Variants in SNTB1 observed in about 807,000 individuals in gnomAD.
The protein encoded by SNTB1 is syntrophin beta 1.
SNTB1 carries 36 observed loss-of-function variants against 48.9 expected under a neutral mutation model. The observed-to-expected ratio is 0.74, with a 90% confidence interval of 0.56 to 0.97. The LOEUF (loss-of-function observed/expected upper bound fraction) is 0.97, where lower values mean the gene tolerates loss of function less well. SNTB1 is among the 50% of genes least tolerant of loss of function. The pLI is 0.00. For synonymous variants in SNTB1, 299 were observed against 294.6 expected, an observed-to-expected ratio of 1.01 and a Z score of -0.15; for missense variants, 786 against 703.4, an observed-to-expected ratio of 1.12 and a Z score of -1.33.
chr8:120,585,904 A>C (rs927118618), intron 3 of SNTB1, among the ~76,000 whole-genome samples: 13 of 152,242 alleles, frequency 8.5e-5, no homozygotes, highest in African/African-American at 3.1e-4. Context: ...ATAACTACCA[A>C]AGTTAGGCTG....
chr8:120,583,860 T>C (rs543024774), intron 3 of SNTB1, among the ~76,000 whole-genome samples: 2 of 152,162 alleles, frequency 1.3e-5, no homozygotes, highest in African/African-American at 2.4e-5. Flanking sequence ...TTTAGCAAAT[T>C]GAGTCTGAAA....
intron 4 of SNTB1, among the ~76,000 whole-genome samples, chr8:120,564,564 GTTTTTTTTT>G (rs71306893): frequency 4.7e-5 from 4 of 84,214 alleles, no homozygotes; most frequent in Non-Finnish European, 8.5e-5. Flanking sequence ...TATTATTCTG[GTTTTTTTTT>G]TTTTTTTTTT....
At chr8:120,612,117 G>A (rs1204916860) in intron 3 of SNTB1, among the ~76,000 whole-genome samples, 1 of 152,182 alleles carries the variant, frequency 6.6e-6, no homozygotes, top group Non-Finnish European at 1.5e-5. Context: ...ACTGAACAGT[G>A]AGCCTTCGAG....
chr8:120,599,697 T>C (rs1406523624), intron 3 of SNTB1, among the ~76,000 whole-genome samples: 2 of 152,232 alleles, frequency 1.3e-5, no homozygotes, highest in African/African-American at 4.8e-5. Context: ...ATTTTATATA[T>C]GTCAAAGAGA....
At chr8:120,571,594 C>T (rs1465124476) in intron 4 of SNTB1, among the ~76,000 whole-genome samples, 1 of 139,034 alleles carries the variant, frequency 7.2e-6, no homozygotes, top group Non-Finnish European at 1.5e-5. Flanking sequence ...GCCTTCCAGG[C>T]TCTAGTGATT....
At chr8:120,636,210 C>T (rs1817073558) in intron 2 of SNTB1, among the ~76,000 whole-genome samples, 2 of 152,070 alleles carry the variant, frequency 1.3e-5, no homozygotes, top group South Asian at 4.2e-4. Flanking sequence ...AGGGTGCTGG[C>T]TCAGCTTCCT....
chr8:120,728,454 C>T (rs1251515084), intron 1 of SNTB1, among the ~76,000 whole-genome samples: 3 of 152,102 alleles, frequency 2.0e-5, no homozygotes, highest in African/African-American at 4.8e-5. Flanking sequence ...GAGCATAGTA[C>T]CCAACAGTTG....
chr8:120,686,776 CTGTTTTTACATA>C (rs1818042159), intron 2 of SNTB1, among the ~76,000 whole-genome samples: 1 of 152,126 alleles, frequency 6.6e-6, no homozygotes, highest in Non-Finnish European at 1.5e-5. Flanking sequence ...TAATCTGGAC[CTGTTTTTACATA>C]TGTAAAACAT....
chr8:120,676,327 G>A (rs1445854578), intron 2 of SNTB1, among the ~76,000 whole-genome samples: 1 of 152,150 alleles, frequency 6.6e-6, no homozygotes. Flanking sequence ...AAGAAGTTAT[G>A]CACTTGAGAG....
At chr8:120,753,233 G>A (rs990975859) in intron 1 of SNTB1, among the ~76,000 whole-genome samples, 15 of 152,090 alleles carry the variant, frequency 9.9e-5, no homozygotes, top group Admixed American at 9.8e-4. Context: ...ATGGTTAAGT[G>A]TATCAGACCA....
chr8:120,797,826 T>C (rs996684877), intron 1 of SNTB1, among the ~76,000 whole-genome samples: 4 of 152,078 alleles, frequency 2.6e-5, no homozygotes, highest in East Asian at 1.9e-4. Flanking sequence ...GCTATTCTTA[T>C]GTTATCAATG....
chr8:120,715,441 T>C (rs1818538732), intron 1 of SNTB1, among the ~76,000 whole-genome samples: 1 of 152,198 alleles, frequency 6.6e-6, no homozygotes, highest in African/African-American at 2.4e-5. Context: ...CAGAAAACGA[T>C]AGCAAATTTT....
intron 1 of SNTB1, among the ~76,000 whole-genome samples, chr8:120,800,789 C>T (rs1198265325): frequency 6.6e-6 from 1 of 151,982 alleles, no homozygotes; most frequent in Non-Finnish European, 1.5e-5. Context: ...GAAATCTAAT[C>T]ATAGATATTA....
At chr8:120,740,878 A>C (rs1315922171) in intron 1 of SNTB1, among the ~76,000 whole-genome samples, 3 of 152,188 alleles carry the variant, frequency 2.0e-5, no homozygotes, top group African/African-American at 7.2e-5. Flanking sequence ...TAATCTTCTC[A>C]ACAGCACACA....
chr8:120,806,219 A>G (rs1206537550), intron 1 of SNTB1, among the ~76,000 whole-genome samples: 1 of 152,238 alleles, frequency 6.6e-6, no homozygotes, highest in African/African-American at 2.4e-5. Context: ...AACGAAGTGC[A>G]GAAGGGGTGT....
intron 1 of SNTB1, among the ~76,000 whole-genome samples, chr8:120,771,713 CAGAG>C (rs1310900308): frequency 2.0e-5 from 3 of 150,482 alleles, no homozygotes; most frequent in Non-Finnish European, 4.4e-5. Flanking sequence ...TAAACCCAAA[CAGAG>C]AGCTTTAATT....
rs1462155042 is a variant in SNTB1, at chr8:120,745,140, G to T, written c.572-51232C>A. Among the ~76,000 whole-genome samples, 7 of 147,164 alleles carry T rather than the reference G, an allele frequency of 4.8e-5. No individual in the cohort carries two copies. The East Asian group carries it at 1.4e-3, about 30-fold the overall frequency. ...TATTTTAACTGTCCTGCCCAACTAG[G>T]TTCCTCTCTGCTCTTGGCTGCACAG... is the stretch of plus-strand genomic sequence containing the variant. On this transcript the variant is annotated intron_variant, in intron 1 of 6. Transcript: ENST00000517992.
At position 120,755,185 on chromosome 8, in the gene SNTB1, AGAGC is replaced by A. The variant is rs1167158611; in HGVS notation, c.571+56084_571+56087del. On this transcript the variant is annotated intron_variant, in intron 1 of 6. Transcript: ENST00000517992. ...GTGTGTGTGTGTGAGAGAGAGAGAGAGAGCGAGAGAGAGAGAAGAAAGAGAGAGA... is the reference window on the plus strand; with the variant it reads ...GTGTGTGTGTGTGAGAGAGAGAGAGAGAGAGAGAGAGAAGAAAGAGAGAGA... 1.1e-4 allele frequency among the ~76,000 whole-genome samples: 16 copies of A among 150,638 alleles called. No homozygotes were observed. The South Asian group carries it at 2.5e-3, about 24-fold the overall frequency.
intron 3 of SNTB1, among the ~76,000 whole-genome samples, chr8:120,581,610 A>T (rs888367319): frequency 1.3e-5 from 2 of 152,060 alleles, no homozygotes; most frequent in African/African-American, 2.4e-5. Context: ...TCTCAAAAAA[A>T]AGGAGAAGAG....
Sources: gnomAD v4.1 joint callset for allele counts (sites outside exome capture counted in the v4.1 genomes callset) on GRCh38, gnomAD v4.1.1 for gene constraint, MANE v1.5 for transcripts, NCBI Gene and HGNC (gene_info 2026-07-23, HGNC 2026-07-21) for gene names.